The following TCF7L1 variants were observed in gnomAD, a reference collection of about 807,000 sequenced individuals.
The protein encoded by TCF7L1 is transcription factor 7-like 1.
Under a neutral mutation model 63.7 loss-of-function variants are expected in TCF7L1, and 18 were observed. The observed-to-expected ratio is 0.28, with a 90% CI of 0.20 to 0.42. The LOEUF (loss-of-function observed/expected upper bound fraction) is 0.42, where lower values mean the gene tolerates loss of function less well. Ranked by LOEUF, TCF7L1 falls within the 10% of genes least tolerant of loss-of-function variation. The probability of loss-of-function intolerance (pLI) is 1.00; values close to 1 mark genes in which losing one functional copy is unlikely to be tolerated. For missense variants in TCF7L1, 654 were observed against 779.3 expected, an observed-to-expected ratio of 0.84 and a Z score of 1.91; for synonymous variants, 355 against 340.9, an observed-to-expected ratio of 1.04 and a Z score of -0.46.
At chr2:85,207,949 C>T (rs1433157356) in intron 3 of TCF7L1, among the ~76,000 whole-genome samples, 2 of 151,990 alleles carry the variant, frequency 1.3e-5, no homozygotes, top group Non-Finnish European at 2.9e-5. Context: ...CTCTGTCGCC[C>T]AGGCTGGAGT....
intron 3 of TCF7L1, among the ~76,000 whole-genome samples, chr2:85,162,936 A>G (rs1005290734): frequency 6.6e-6 from 1 of 152,112 alleles, no homozygotes; most frequent in Non-Finnish European, 1.5e-5. Context: ...TCATCCACAC[A>G]TAGCCAGTAA....
chr2:85,187,897 A>C (rs1486592090), intron 3 of TCF7L1, among the ~76,000 whole-genome samples: 1 of 152,234 alleles, frequency 6.6e-6, no homozygotes, highest in East Asian at 1.9e-4. Context: ...GATGTTCTTC[A>C]GTGGTGTATG....
At chr2:85,234,569 C>T (rs550233938) in intron 3 of TCF7L1, among the ~76,000 whole-genome samples, 2 of 152,270 alleles carry the variant, frequency 1.3e-5, no homozygotes, top group African/African-American at 4.8e-5. Flanking sequence ...AAACATATGC[C>T]AAAGAATTTC....
rs6759937 is a variant in TCF7L1, at chr2:85,144,806, G to A, written c.441+10356G>A. ...TGGTTAGAAATCATGAAACTCCACC[G>A]GGCACAGTGGCTCCCTCCTGTAATC... On this transcript the variant is annotated intron_variant, in intron 3 of 11. Transcript: ENST00000282111. Among the ~76,000 whole-genome samples the A allele has an allele frequency of 3.7e-3, 564 of 150,958 alleles. 1 individual carries two copies. The highest frequency in any genetic ancestry group is 0.012 in the African/African-American group (508 of 41,048).
At chr2:85,264,835 C>T (rs890376574) in intron 3 of TCF7L1, among the ~76,000 whole-genome samples, 4 of 152,090 alleles carry the variant, frequency 2.6e-5, no homozygotes, top group East Asian at 1.9e-4. Context: ...AATGTGCTAA[C>T]GCCGTTAGGA....
At chr2:85,276,368 T>A (rs1681269199) in intron 3 of TCF7L1, among the ~76,000 whole-genome samples, 2 of 152,212 alleles carry the variant, frequency 1.3e-5, no homozygotes, top group South Asian at 4.1e-4. Context: ...CCAGTTACTG[T>A]GAGAAGCAGG....
chr2:85,270,931 A>G (rs1681138654), intron 3 of TCF7L1, among the ~76,000 whole-genome samples: 1 of 151,892 alleles, frequency 6.6e-6, no homozygotes, highest in African/African-American at 2.4e-5. Flanking sequence ...TCCTGGGCTC[A>G]AGTGATCCAC....
chr2:85,162,602 C>T (rs1363997679), intron 3 of TCF7L1, among the ~76,000 whole-genome samples: 3 of 152,186 alleles, frequency 2.0e-5, no homozygotes, highest in African/African-American at 7.2e-5. Context: ...TCTTTAGTCC[C>T]CATGGAAGAC....
chr2:85,237,417 G>A (rs947388803), intron 3 of TCF7L1, among the ~76,000 whole-genome samples: 1 of 152,158 alleles, frequency 6.6e-6, no homozygotes, highest in Non-Finnish European at 1.5e-5. Flanking sequence ...TCAGCCTGTC[G>A]CTTGCTGTCT....
chr2:85,157,980 G>A (rs1277058240), intron 3 of TCF7L1, among the ~76,000 whole-genome samples: 1 of 152,236 alleles, frequency 6.6e-6, no homozygotes, highest in African/African-American at 2.4e-5. Flanking sequence ...TGCCTTCTGG[G>A]ATGGAGAGAG....
intron 4 of TCF7L1, among the ~76,000 whole-genome samples, chr2:85,291,094 T>C (rs79282357): frequency 0.02 from 3,078 of 152,304 alleles, 118 homozygotes; most frequent in African/African-American, 0.069. Flanking sequence ...AGGGCAGTAT[T>C]TCTGCTGAGG....
At chr2:85,301,657 A>C (rs1264200322) in intron 4 of TCF7L1, among the ~76,000 whole-genome samples, 1 of 152,094 alleles carries the variant, frequency 6.6e-6, no homozygotes, top group African/African-American at 2.4e-5. Context: ...CAGCAGAGTA[A>C]AGTGTTACAG....
chr2:85,277,705 T>C (rs1424292416), intron 3 of TCF7L1, among the ~76,000 whole-genome samples: 1 of 152,240 alleles, frequency 6.6e-6, no homozygotes, highest in South Asian at 2.1e-4. Context: ...TTCTCTGGGC[T>C]GGAGTTTTCT....
intron 3 of TCF7L1, among the ~76,000 whole-genome samples, chr2:85,147,476 G>C (rs1415052393): frequency 6.6e-6 from 1 of 152,158 alleles, no homozygotes; most frequent in African/African-American, 2.4e-5. Context: ...AGGGCGCTAG[G>C]TGGAGATGGG....
chr2:85,270,815 G>A (rs749207843), intron 3 of TCF7L1, among the ~76,000 whole-genome samples: 4 of 151,828 alleles, frequency 2.6e-5, no homozygotes, highest in Non-Finnish European at 5.9e-5. Flanking sequence ...TCAGCCTCTC[G>A]GGTAGCTGGG....
chr2:85,168,072 G>A (rs1298415946), intron 3 of TCF7L1, among the ~76,000 whole-genome samples: 1 of 151,986 alleles, frequency 6.6e-6, no homozygotes, highest in Non-Finnish European at 1.5e-5. Flanking sequence ...TGGGTGTAAA[G>A]TTACAGATAT....
chr2:85,303,110 A>G (rs1032489742), intron 5 of TCF7L1, among the ~76,000 whole-genome samples: 1 of 152,178 alleles, frequency 6.6e-6, no homozygotes, highest in African/African-American at 2.4e-5. Context: ...AGCTCACTGC[A>G]GCCTTGACCT....
At chr2:85,213,759 T>C (rs554618201) in intron 3 of TCF7L1, 2 of 152,372 alleles carry the variant, frequency 1.3e-5, no homozygotes, top group African/African-American at 4.8e-5. Flanking sequence ...AAGAAAATTC[T>C]GCCCATGCCC....
intron 3 of TCF7L1, among the ~76,000 whole-genome samples, chr2:85,164,928 T>A (rs1678381101): frequency 6.6e-6 from 1 of 152,234 alleles, no homozygotes; most frequent in South Asian, 2.1e-4. Context: ...CGCTGCTAGG[T>A]CTTATTTAAT....
Sources: gnomAD v4.1 joint callset for allele counts (sites outside exome capture counted in the v4.1 genomes callset) on GRCh38, gnomAD v4.1.1 for gene constraint, MANE v1.5 for transcripts, NCBI Gene and HGNC (gene_info 2026-07-23, HGNC 2026-07-21) for gene names.